MAGI1: variants seen among roughly 807,000 people sequenced by gnomAD.
MAGI1 encodes the protein membrane associated guanylate kinase, WW and PDZ domain containing 1.
In MAGI1, 58 loss-of-function variants were observed where a neutral mutation model predicts 139.9. The ratio of observed to expected loss-of-function variants is 0.41; its 90% CI spans 0.34 to 0.52. MAGI1 has a LOEUF of 0.52. Ranked by LOEUF, MAGI1 falls within the 20% of genes least tolerant of loss-of-function variation. MAGI1 has a pLI of 0.12. For synonymous variants in MAGI1, 812 were observed against 737.9 expected (o/e 1.10, Z -1.63); for missense variants, 1,874 against 1,901.6 (o/e 0.99, Z 0.27).
At chr3:65,818,043 A>T (rs370910693) in intron 1 of MAGI1, among the ~76,000 whole-genome samples, 1 of 149,064 alleles carries the variant, frequency 6.7e-6, no homozygotes, top group Non-Finnish European at 1.5e-5. Flanking sequence ...TAAAATTATG[A>T]GTGTGTGTGT....
intron 1 of MAGI1, among the ~76,000 whole-genome samples, chr3:65,710,663 G>A (rs2031266768): frequency 6.6e-6 from 1 of 152,154 alleles, no homozygotes; most frequent in Non-Finnish European, 1.5e-5. Context: ...CTACGAGGTA[G>A]ACAATGCAGA....
chr3:65,702,197 T>C (rs572644961), intron 1 of MAGI1, among the ~76,000 whole-genome samples: 1 of 152,308 alleles, frequency 6.6e-6, no homozygotes, highest in African/African-American at 2.4e-5. Flanking sequence ...GTGGAATTTA[T>C]ATACATATAT....
chr3:65,641,462 T>C (rs965823283), intron 1 of MAGI1, among the ~76,000 whole-genome samples: 3 of 152,186 alleles, frequency 2.0e-5, no homozygotes, highest in African/African-American at 7.2e-5. Context: ...TTCCAAAGTG[T>C]AGCCAGGGTT....
At chr3:66,018,901 C>G (rs549207430) in intron 1 of MAGI1, among the ~76,000 whole-genome samples, 1 of 152,320 alleles carries the variant, frequency 6.6e-6, no homozygotes, top group East Asian at 1.9e-4. Context: ...TCCATTGTTC[C>G]CCAGAACTGT....
chr3:65,883,186 G>A (rs1340984021), intron 1 of MAGI1, among the ~76,000 whole-genome samples: 1 of 152,090 alleles, frequency 6.6e-6, no homozygotes, highest in Non-Finnish European at 1.5e-5. Context: ...CAGTTTAAAA[G>A]CATATGTTCG....
chr3:65,551,080 G>A (rs910277837), intron 2 of MAGI1, among the ~76,000 whole-genome samples: 14 of 152,186 alleles, frequency 9.2e-5, no homozygotes, highest in Non-Finnish European at 2.1e-4. Context: ...ATGTGTGGAG[G>A]GAGACAGGTA....
intron 1 of MAGI1, among the ~76,000 whole-genome samples, chr3:65,745,950 G>A (rs1553700680): frequency 1.3e-5 from 2 of 151,716 alleles, no homozygotes; most frequent in Non-Finnish European, 1.5e-5. Context: ...GGCTGGTCTC[G>A]AACTCCTGGC....
chr3:65,616,974 A>T (rs532033422), intron 2 of MAGI1, among the ~76,000 whole-genome samples: 8 of 152,346 alleles, frequency 5.3e-5, no homozygotes, highest in Non-Finnish European at 1.2e-4. Flanking sequence ...TGTAAGTTCA[A>T]ATAGAACTAA....
chr3:65,469,497 T>TTC (rs1950416457), intron 5 of MAGI1, among the ~76,000 whole-genome samples: 1 of 150,960 alleles, frequency 6.6e-6, no homozygotes, highest in African/African-American at 2.4e-5. Context: ...TTTTTTTTCC[T>TTC]TTTCAGAAAA....
At chr3:65,889,893 G>A (rs924658334) in intron 1 of MAGI1, among the ~76,000 whole-genome samples, 1 of 152,180 alleles carries the variant, frequency 6.6e-6, no homozygotes, top group African/African-American at 2.4e-5. Flanking sequence ...CAACAGAGAA[G>A]CATGAGGATG....
chr3:65,846,040 A>G lies in MAGI1; in HGVS notation c.313+191956T>C, dbSNP rs577542929. ...ATAAAAGCCTCAAACCAGTAGTAAC[A>G]ATGCCACTTGTTACTTGGCAACAAC... On this transcript the variant is annotated intron_variant, in intron 1 of 22. Coordinates refer to ENST00000402939, the MANE Select transcript of MAGI1 (RefSeq NM_001033057.2). 1.5e-3 allele frequency among the ~76,000 whole-genome samples: 227 copies of G among 152,314 alleles called. 1 individual carries two copies. Among genetic ancestry groups the G allele is most frequent in the African/African-American group, 4.9e-3 (202 of 41,570 alleles).
chr3:65,397,038 G>A (rs1944444799), intron 13 of MAGI1, among the ~76,000 whole-genome samples: 2 of 152,320 alleles, frequency 1.3e-5, no homozygotes, highest in South Asian at 4.1e-4. Flanking sequence ...GCAGAGAAGG[G>A]GAGTTGCCAC....
At chr3:65,782,516 AAACT>A (rs2039011064) in intron 1 of MAGI1, among the ~76,000 whole-genome samples, 1 of 151,886 alleles carries the variant, frequency 6.6e-6, no homozygotes, top group Admixed American at 6.6e-5. Context: ...AGCAAATAAG[AAACT>A]AATACAGGAA....
chr3:65,457,589 A>G (rs1559570812), intron 5 of MAGI1, among the ~76,000 whole-genome samples: 1 of 152,114 alleles, frequency 6.6e-6, no homozygotes, highest in African/African-American at 2.4e-5. Context: ...ACCTTAAATT[A>G]TATTTTATTT....
chr3:65,995,919 G>A (rs1208728307), intron 1 of MAGI1, among the ~76,000 whole-genome samples: 2 of 152,118 alleles, frequency 1.3e-5, no homozygotes, highest in African/African-American at 4.8e-5. Flanking sequence ...GATCTCTTGA[G>A]CCCAGGAGTT....
intron 1 of MAGI1, among the ~76,000 whole-genome samples, chr3:65,849,987 A>G (rs944570000): frequency 8.5e-5 from 13 of 152,200 alleles, no homozygotes; most frequent in Admixed American, 7.2e-4. Flanking sequence ...AAGCAAGAAT[A>G]TGTATCTGAA....
chr3:65,953,543 G>A (rs2063966197), intron 1 of MAGI1, among the ~76,000 whole-genome samples: 1 of 152,134 alleles, frequency 6.6e-6, no homozygotes, highest in African/African-American at 2.4e-5. Context: ...CTGTTGCCAG[G>A]GCTGAGCCAA....
chr3:65,926,327 T>TTCTCTTTCTCTCTC (rs1553731213), intron 1 of MAGI1, among the ~76,000 whole-genome samples: 17 of 115,664 alleles, frequency 1.5e-4, no homozygotes, highest in East Asian at 1.2e-3. Context: ...AAGTCTTCTT[T>TTCTCTTTCTCTCTC]TCTCTCTCTC....
intron 1 of MAGI1, among the ~76,000 whole-genome samples, chr3:65,638,121 T>C (rs2084750743): frequency 6.6e-6 from 1 of 152,148 alleles, no homozygotes; most frequent in Non-Finnish European, 1.5e-5. Flanking sequence ...CTCTGTGTGT[T>C]CTTGGGCAAC....
Sources: allele counts gnomAD v4.1 joint callset (sites outside exome capture counted in the v4.1 genomes callset), GRCh38; gene constraint gnomAD v4.1.1; transcripts MANE v1.5; gene names NCBI Gene and HGNC (gene_info 2026-07-23, HGNC 2026-07-21).